The following TNR variants were observed in gnomAD, a reference collection of about 807,000 sequenced individuals.
TNR encodes the protein tenascin R.
A neutral mutation model predicts 150.4 loss-of-function variants in TNR; 45 were observed. That is an observed-to-expected ratio of 0.30 (90% CI 0.24 to 0.38). The LOEUF is 0.38. Ranked by LOEUF, TNR falls within the 10% of genes least tolerant of loss-of-function variation. The pLI is 1.00. For missense variants in TNR, 1,544 were observed against 1,759.1 expected (o/e 0.88, Z 2.19); for synonymous variants, 687 against 678.4 (o/e 1.01, Z -0.20).
chr1:175,345,493 A>C (rs777748425), intron 18 of TNR, among the ~76,000 whole-genome samples: 7 of 152,218 alleles, frequency 4.6e-5, no homozygotes, highest in Non-Finnish European at 8.8e-5. Flanking sequence ...CAATATAAAA[A>C]AGGATTTTTT....
chr1:175,434,068 G>A lies in TNR; in HGVS notation c.-63-27291C>T, dbSNP rs145271274. Among the ~76,000 whole-genome samples, 712 of 152,292 alleles carry A rather than the reference G, an allele frequency of 4.7e-3. 1 individual carries two copies. Among genetic ancestry groups the A allele is most frequent in the Non-Finnish European group, 8.0e-3 (545 of 68,026 alleles). On this transcript the variant is annotated intron_variant, in intron 2 of 22. Coordinates refer to ENST00000367674, the MANE Select transcript of TNR (RefSeq NM_003285.3). ...CTTCTGTTAAATTTTCTTGCAAAGT[G>A]TCTCAGTGTGTGGTCCCAAGGAACC...
At chr1:175,731,319 G>A (rs763406501) in intron 1 of TNR, among the ~76,000 whole-genome samples, 69 of 152,134 alleles carry the variant, frequency 4.5e-4, no homozygotes, top group African/African-American at 1.6e-3. Flanking sequence ...GCTATCTTGG[G>A]CAAGTCACTG....
At chr1:175,674,477 C>A (rs1198724898) in intron 1 of TNR, among the ~76,000 whole-genome samples, 3 of 152,206 alleles carry the variant, frequency 2.0e-5, no homozygotes, top group African/African-American at 7.2e-5. Flanking sequence ...CTCTACCCTG[C>A]AGCCCATCTC....
chr1:175,545,342 AG>A (rs1660644072), intron 1 of TNR, among the ~76,000 whole-genome samples: 1 of 152,170 alleles, frequency 6.6e-6, no homozygotes, highest in Non-Finnish European at 1.5e-5. Flanking sequence ...CATGAATGGG[AG>A]GTGAGTGGGT....
At chr1:175,635,316 A>C (rs1664461359) in intron 1 of TNR, among the ~76,000 whole-genome samples, 1 of 152,172 alleles carries the variant, frequency 6.6e-6, no homozygotes, top group Non-Finnish European at 1.5e-5. Flanking sequence ...AAGGTCTCTA[A>C]TTTTTCTCTT....
intron 1 of TNR, among the ~76,000 whole-genome samples, chr1:175,600,114 T>C (rs1199697381): frequency 6.6e-6 from 1 of 152,192 alleles, no homozygotes; most frequent in African/African-American, 2.4e-5. Flanking sequence ...TTACCACTTG[T>C]ATTAGCTGTG....
At chr1:175,650,043 A>C (rs1377043254) in intron 1 of TNR, among the ~76,000 whole-genome samples, 1 of 152,224 alleles carries the variant, frequency 6.6e-6, no homozygotes. Flanking sequence ...AGAAATCCTT[A>C]AAAAACTGTG....
intron 1 of TNR, among the ~76,000 whole-genome samples, chr1:175,559,793 T>C (rs1040240984): frequency 1.3e-5 from 2 of 152,234 alleles, no homozygotes; most frequent in African/African-American, 4.8e-5. Context: ...CATATTTATA[T>C]GTGACTTCTT....
At position 175,668,497 on chromosome 1, in the gene TNR, G is replaced by A. The variant is rs558929642; in HGVS notation, c.-165+74729C>T. Among the ~76,000 whole-genome samples, 159 of 152,264 alleles carry A rather than the reference G, an allele frequency of 1.0e-3. 1 individual carries two copies. In the South Asian group the frequency reaches 0.014, roughly 14 times the overall value. ...ATGGCTGTTCTGAGACTCACCCACT[G>A]GGTACTGAGAAGCAATCCACCCTTT... On this transcript the variant is annotated intron_variant, in intron 1 of 22. Coordinates refer to ENST00000367674, the MANE Select transcript of TNR (RefSeq NM_003285.3).
chr1:175,448,981 C>A (rs1171017030), intron 2 of TNR, among the ~76,000 whole-genome samples: 1 of 152,200 alleles, frequency 6.6e-6, no homozygotes. Context: ...TGGCTCCAAT[C>A]TAACACGATT....
At chr1:175,610,805 C>T (rs1447064778) in intron 1 of TNR, among the ~76,000 whole-genome samples, 1 of 152,232 alleles carries the variant, frequency 6.6e-6, no homozygotes, top group Admixed American at 6.5e-5. Flanking sequence ...TGACACACAT[C>T]ATAGACCATG....
At chr1:175,642,158 A>G (rs1664683902) in intron 1 of TNR, among the ~76,000 whole-genome samples, 1 of 152,140 alleles carries the variant, frequency 6.6e-6, no homozygotes, top group Non-Finnish European at 1.5e-5. Context: ...AGATTTGTGA[A>G]CTGAATCTTG....
chr1:175,527,648 C>T (rs1426278645), intron 2 of TNR, among the ~76,000 whole-genome samples: 1 of 152,184 alleles, frequency 6.6e-6, no homozygotes, highest in East Asian at 1.9e-4. Context: ...AAAATATTCA[C>T]TGTGCCTGAC....
At chr1:175,338,312 G>A (rs1650344540) in intron 18 of TNR, among the ~76,000 whole-genome samples, 1 of 152,162 alleles carries the variant, frequency 6.6e-6, no homozygotes, top group South Asian at 2.1e-4. Context: ...GAGAGGGCAG[G>A]GGAAGTAAAT....
At chr1:175,358,415 T>C (rs986990701) in intron 15 of TNR, among the ~76,000 whole-genome samples, 3 of 152,254 alleles carry the variant, frequency 2.0e-5, no homozygotes, top group Admixed American at 1.3e-4. Context: ...TAAAACTTAT[T>C]CTTGGTGAAT....
At chr1:175,579,664 T>A (rs1436054864) in intron 1 of TNR, among the ~76,000 whole-genome samples, 2 of 150,508 alleles carry the variant, frequency 1.3e-5, no homozygotes, top group African/African-American at 4.9e-5. Context: ...ACAGACAAGG[T>A]CAGTTTGGGA....
chr1:175,587,701 A>G (rs986337398), intron 1 of TNR, among the ~76,000 whole-genome samples: 3 of 152,222 alleles, frequency 2.0e-5, no homozygotes, highest in African/African-American at 4.8e-5. Context: ...CCCTACCCCA[A>G]TAATTTTTAA....
chr1:175,585,175 T>C (rs1571640558), intron 1 of TNR, among the ~76,000 whole-genome samples: 2 of 152,342 alleles, frequency 1.3e-5, no homozygotes, highest in African/African-American at 4.8e-5. Flanking sequence ...GGTGCAGTTA[T>C]CTATATTTGA....
At chr1:175,415,741 C>T (rs1021386571) in intron 2 of TNR, among the ~76,000 whole-genome samples, 2 of 152,100 alleles carry the variant, frequency 1.3e-5, no homozygotes, top group African/African-American at 4.8e-5. Flanking sequence ...CTCTAATTGA[C>T]ATTACCTTTC....
Sources: allele counts gnomAD v4.1 joint callset (sites outside exome capture counted in the v4.1 genomes callset), GRCh38; gene constraint gnomAD v4.1.1; transcripts MANE v1.5; gene names NCBI Gene and HGNC (gene_info 2026-07-23, HGNC 2026-07-21).